The following ALKBH1 variants were observed in gnomAD, a reference collection of about 807,000 sequenced individuals.
The protein encoded by ALKBH1 is nucleic acid dioxygenase ALKBH1.
Under a neutral mutation model 36.6 loss-of-function variants are expected in ALKBH1, and 31 were observed. The observed-to-expected ratio is 0.85, with a 90% confidence interval of 0.64 to 1.14. The LOEUF (loss-of-function observed/expected upper bound fraction) is 1.14. Ranked by LOEUF, ALKBH1 falls within the 50% of genes most tolerant of loss-of-function variation. The pLI is 0.00. For missense variants in ALKBH1, 490 were observed against 497.3 expected (o/e 0.99, Z 0.14); for synonymous variants, 183 against 186.6 (o/e 0.98, Z 0.16).
chr14:77,681,457 G>A (rs1396530437), intron 3 of ALKBH1, among the ~76,000 whole-genome samples: 1 of 152,190 alleles, frequency 6.6e-6, no homozygotes, highest in Non-Finnish European at 1.5e-5. Flanking sequence ...ACTGTTCAGT[G>A]GCACTCATCT....
At chr14:77,688,554 T>TC (rs1491334620) in intron 3 of ALKBH1, among the ~76,000 whole-genome samples, 3 of 31,094 alleles carry the variant, frequency 9.6e-5, no homozygotes, top group African/African-American at 4.7e-4. Context: ...GCACCCAGCC[T>TC]TTTTTTTTTT....
intron 2 of ALKBH1, chr14:77,696,684 G>A (rs935368673): frequency 2.6e-5 from 4 of 152,372 alleles, no homozygotes; most frequent in African/African-American, 9.6e-5. Context: ...TTACCCTCAT[G>A]AGAGCTCTGT....
intron 3 of ALKBH1, among the ~76,000 whole-genome samples, chr14:77,681,348 C>G (rs1469291821): frequency 6.6e-6 from 1 of 152,110 alleles, no homozygotes; most frequent in African/African-American, 2.4e-5. Context: ...GGGAGTTGAG[C>G]ACGGCACTGA....
intron 3 of ALKBH1, among the ~76,000 whole-genome samples, chr14:77,685,572 T>C (rs542053392): frequency 6.6e-6 from 1 of 151,278 alleles, no homozygotes; most frequent in South Asian, 2.1e-4. Context: ...AGCTCAGAAG[T>C]TGGAGAACCA....
chr14:77,689,875 A>C (rs928398442), intron 3 of ALKBH1, among the ~76,000 whole-genome samples: 1 of 152,184 alleles, frequency 6.6e-6, no homozygotes, highest in African/African-American at 2.4e-5. Context: ...AAAATTTAGA[A>C]AACAAAAAAT....
At chr14:77,706,862 C>T (rs1412148734) in intron 1 of ALKBH1, among the ~76,000 whole-genome samples, 1 of 152,162 alleles carries the variant, frequency 6.6e-6, no homozygotes, top group African/African-American at 2.4e-5. Flanking sequence ...ACACTTAATA[C>T]TGTAGCATCC....
At chr14:77,700,669 C>T (rs1007193082) in intron 2 of ALKBH1, among the ~76,000 whole-genome samples, 6 of 152,026 alleles carry the variant, frequency 3.9e-5, no homozygotes, top group African/African-American at 1.4e-4. Context: ...TATAATATTC[C>T]CAAACATATT....
chr14:77,706,102 C>CATAT (rs1328529254), intron 1 of ALKBH1, among the ~76,000 whole-genome samples: 1 of 113,442 alleles, frequency 8.8e-6, no homozygotes, highest in African/African-American at 3.0e-5. Flanking sequence ...TATATACACA[C>CATAT]ACACATATAT....
chr14:77,684,384 G>A (rs1369496515), intron 3 of ALKBH1, among the ~76,000 whole-genome samples: 1 of 151,052 alleles, frequency 6.6e-6, no homozygotes, highest in African/African-American at 2.4e-5. Flanking sequence ...TTTTTTAGAC[G>A]GAGTTTTGCT....
intron 3 of ALKBH1, among the ~76,000 whole-genome samples, chr14:77,690,807 T>C (rs1243119360): frequency 6.9e-6 from 1 of 145,460 alleles, no homozygotes; most frequent in East Asian, 2.0e-4. Flanking sequence ...CACATAACTC[T>C]TTTTTTTTTT....
In ALKBH1 at chr14:77,674,146, G is replaced by A. The variant is rs763755720; in HGVS notation, c.836C>T (p.Ser279Leu). ...GTGGTTCAAGAGGCGGCTGAAACCC[G>A]ACATTATCATGATGTCACCACTGTG... ...FMHSGDIMIM[S>L]GFSRLLNHAV... Residue 279 changes from serine (S) to leucine (L), a missense_variant, in exon 6 of 6, where the codon TCG becomes TTG. Transcript: ENST00000216489. 23 of 1,614,058 alleles carry A rather than the reference G, an allele frequency of 1.4e-5. No homozygotes were observed. The highest frequency in any genetic ancestry group is 1.7e-5 in the Non-Finnish European group (20 of 1,180,038).
At chr14:77,706,272 A>C (rs1252497157) in intron 1 of ALKBH1, among the ~76,000 whole-genome samples, 1 of 152,106 alleles carries the variant, frequency 6.6e-6, no homozygotes, top group Non-Finnish European at 1.5e-5. Flanking sequence ...CTATCAGCTG[A>C]GTTTTCCAGG....
intron 2 of ALKBH1, among the ~76,000 whole-genome samples, chr14:77,703,139 GTC>G (rs1239001009): frequency 6.6e-6 from 1 of 151,788 alleles, no homozygotes; most frequent in African/African-American, 2.4e-5. Context: ...GAGTGAGACT[GTC>G]TGGGAAAAAA....
At chr14:77,705,876 GA>G (rs1029040344) in intron 1 of ALKBH1, among the ~76,000 whole-genome samples, 18 of 151,978 alleles carry the variant, frequency 1.2e-4, no homozygotes, top group Admixed American at 4.6e-4. Context: ...CCAACATGGC[GA>G]AACCCCGTCT....
At chr14:77,702,613 A>C (rs1216933672) in intron 2 of ALKBH1, among the ~76,000 whole-genome samples, 1 of 152,236 alleles carries the variant, frequency 6.6e-6, no homozygotes, top group African/African-American at 2.4e-5. Context: ...CCTAGAAAAA[A>C]GGTTAATAAC....
At chr14:77,698,905 T>C (rs1174566706) in intron 2 of ALKBH1, among the ~76,000 whole-genome samples, 4 of 152,310 alleles carry the variant, frequency 2.6e-5, no homozygotes, top group African/African-American at 9.6e-5. Flanking sequence ...TGGACTACCA[T>C]GCCTGGCTAA....
At chr14:77,684,293 T>C (rs2080255489) in intron 3 of ALKBH1, among the ~76,000 whole-genome samples, 1 of 152,198 alleles carries the variant, frequency 6.6e-6, no homozygotes, top group Non-Finnish European at 1.5e-5. Context: ...ACCACTATTC[T>C]AGCCCAAACT....
chr14:77,698,705 A>G (rs1371335841), intron 2 of ALKBH1, among the ~76,000 whole-genome samples: 1 of 152,212 alleles, frequency 6.6e-6, no homozygotes, highest in Non-Finnish European at 1.5e-5. Flanking sequence ...AGAGGTCAGC[A>G]AATGTTTTCT....
chr14:77,687,813 CT>C (rs2139852519), intron 3 of ALKBH1, among the ~76,000 whole-genome samples: 1 of 147,530 alleles, frequency 6.8e-6, no homozygotes, highest in East Asian at 1.9e-4. Flanking sequence ...CAACAGCCTT[CT>C]TTTCTATAGA....
Sources: gnomAD v4.1 joint callset for allele counts (sites outside exome capture counted in the v4.1 genomes callset) on GRCh38, gnomAD v4.1.1 for gene constraint, MANE v1.5 for transcripts, NCBI Gene and HGNC (gene_info 2026-07-23, HGNC 2026-07-21) for gene names.